Variants in NAV2 observed in about 807,000 individuals in gnomAD.
NAV2 encodes helicase, APC down-regulated 1.
NAV2 carries 54 observed loss-of-function variants against 223.2 expected under a neutral mutation model. That is an observed-to-expected ratio of 0.24 (90% CI 0.19 to 0.30). The LOEUF is 0.30. NAV2 is among the 10% of genes least tolerant of loss of function. The pLI, the probability that NAV2 is intolerant of heterozygous loss-of-function variation, is 1.00. For missense variants in NAV2, 2,806 were observed against 3,147.5 expected (o/e 0.89, Z 2.60); for synonymous variants, 1,279 against 1,239.3 (o/e 1.03, Z -0.67).
rs1353315499 is a variant in NAV2, at chr11:19,825,733, A to G, written c.268-6751A>G. Reference sequence around the variant, plus strand: ...TTTGGTTTAACATGGTACAATTATTATCAGTTTTTGTTATTACAACTAATG... The same window carrying G: ...TTTGGTTTAACATGGTACAATTATTGTCAGTTTTTGTTATTACAACTAATG... On this transcript the variant is annotated intron_variant, in intron 1 of 37. Coordinates refer to ENST00000349880, the MANE Select transcript of NAV2 (RefSeq NM_145117.5). 7.2e-5 allele frequency among the ~76,000 whole-genome samples: 11 copies of G among 152,206 alleles called. No individual in the cohort carries two copies. In the East Asian group the frequency reaches 1.2e-3, roughly 16 times the overall value.
At chr11:20,084,411 T>A (rs1344404379) in intron 26 of NAV2, among the ~76,000 whole-genome samples, 1 of 152,180 alleles carries the variant, frequency 6.6e-6, no homozygotes, top group East Asian at 1.9e-4. Context: ...GTTATGACTT[T>A]TAAGCAACCT....
At chr11:19,951,057 C>T (rs11025336) in intron 10 of NAV2, among the ~76,000 whole-genome samples, 18,513 of 152,124 alleles carry the variant, frequency 0.12, 1,611 homozygotes, top group East Asian at 0.4. Flanking sequence ...TTCCTTATGC[C>T]CAGGCTTCAC....
intron 1 of NAV2, among the ~76,000 whole-genome samples, chr11:19,667,192 A>T (rs866485099): frequency 9.2e-5 from 14 of 152,128 alleles, no homozygotes; most frequent in African/African-American, 3.4e-4. Flanking sequence ...GCTTGTTCTT[A>T]TTTGCTGACT....
intron 11 of NAV2, among the ~76,000 whole-genome samples, chr11:20,018,777 C>A (rs1164470873): frequency 6.6e-6 from 1 of 152,120 alleles, no homozygotes; most frequent in Non-Finnish European, 1.5e-5. Flanking sequence ...CTGGTTGATG[C>A]CATGAAGAAA....
At chr11:19,602,346 T>A (rs1283510632) in intron 1 of NAV2, among the ~76,000 whole-genome samples, 1 of 151,714 alleles carries the variant, frequency 6.6e-6, no homozygotes, top group Admixed American at 6.6e-5. Context: ...CCCGGCTAAT[T>A]TTTGTATTTT....
chr11:19,818,394 C>T (rs1352535233), intron 1 of NAV2, among the ~76,000 whole-genome samples: 1 of 151,882 alleles, frequency 6.6e-6, no homozygotes, highest in Admixed American at 6.6e-5. Flanking sequence ...TTTACCCACT[C>T]TGAGCTGGGA....
At chr11:19,349,638 T>C (rs1436267384), upstream of NAV2, among the ~76,000 whole-genome samples, 1 of 152,192 alleles carries the variant, frequency 6.6e-6, no homozygotes, top group African/African-American at 2.4e-5. Context: ...CCAGCCCCCA[T>C]TCCTTTCCTT....
intron 1 of NAV2, among the ~76,000 whole-genome samples, chr11:19,632,600 G>A (rs896812844): frequency 6.6e-6 from 1 of 152,222 alleles, no homozygotes; most frequent in African/African-American, 2.4e-5. Context: ...TCAGTTCAAA[G>A]AGGCTGATTC....
At chr11:19,816,559 A>T (rs1177934226) in intron 1 of NAV2, among the ~76,000 whole-genome samples, 2 of 152,186 alleles carry the variant, frequency 1.3e-5, no homozygotes, top group African/African-American at 4.8e-5. Flanking sequence ...GGTGCAGTAG[A>T]TGCTATTATG....
At chr11:19,528,640 A>C (rs1050868652) in intron 1 of NAV2, among the ~76,000 whole-genome samples, 2 of 150,590 alleles carry the variant, frequency 1.3e-5, no homozygotes, top group African/African-American at 5.0e-5. Context: ...CCATTTTTTA[A>C]GAATGGGAAG....
At chr11:20,110,820 G>T (rs542709284) in intron 36 of NAV2, among the ~76,000 whole-genome samples, 1 of 152,280 alleles carries the variant, frequency 6.6e-6, no homozygotes, top group Admixed American at 6.5e-5. Context: ...ACCTAACCCG[G>T]GTAAGTGGCC....
At chr11:19,862,485 C>T (rs992872232) in intron 3 of NAV2, among the ~76,000 whole-genome samples, 1 of 152,192 alleles carries the variant, frequency 6.6e-6, no homozygotes, top group African/African-American at 2.4e-5. Flanking sequence ...GTCACGGAGC[C>T]CCTCTTATGA....
chr11:19,744,859 G>A (rs1167729509), intron 1 of NAV2, among the ~76,000 whole-genome samples: 1 of 152,094 alleles, frequency 6.6e-6, no homozygotes, highest in Non-Finnish European at 1.5e-5. Context: ...CTGCACTGTA[G>A]ACTATTATAT....
chr11:20,092,251 G>A lies in NAV2; in HGVS notation c.5698G>A (p.Glu1900Lys). The change falls in exon 28 of 38, where the codon GAG becomes AAG. Residue 1900 changes from glutamate (E) to lysine (K), a missense_variant. This residue lies in a region of NAV2 where 824 missense variants were observed against 1,069.4 expected (regional missense o/e 0.77). Coordinates refer to ENST00000349880, the MANE Select transcript of NAV2 (RefSeq NM_145117.5). ...AGCTGAGAATGATCGGCTGAAGTCAGAGTCTCAAGGCAGTGGCTGCAGCCG... is the reference window on the plus strand; with the variant it reads ...AGCTGAGAATGATCGGCTGAAGTCAAAGTCTCAAGGCAGTGGCTGCAGCCG... ...LKAENDRLKSESQGSGCSRAP... is the reference protein window; with the variant it reads ...LKAENDRLKSKSQGSGCSRAP... 1 of 1,614,226 alleles carries A rather than the reference G, an allele frequency of 6.2e-7. No homozygotes were observed.
chr11:20,000,817 C>G (rs1037732585), intron 11 of NAV2, among the ~76,000 whole-genome samples: 2 of 152,138 alleles, frequency 1.3e-5, no homozygotes, highest in Non-Finnish European at 2.9e-5. Context: ...TCCTCTCCCT[C>G]CCTCATCCAC....
intron 3 of NAV2, among the ~76,000 whole-genome samples, chr11:19,862,811 C>A (rs2153025834): frequency 6.6e-6 from 1 of 152,252 alleles, no homozygotes; most frequent in African/African-American, 2.4e-5. Context: ...AAGGCTGTGA[C>A]CTCTAGGAGT....
intron 1 of NAV2, among the ~76,000 whole-genome samples, chr11:19,574,706 T>A (rs997147730): frequency 6.6e-6 from 1 of 152,154 alleles, no homozygotes; most frequent in African/African-American, 2.4e-5. Context: ...CCGTGGAGCA[T>A]AGGTCCAGTT....
chr11:19,782,673 G>GATCTCT (rs1225968248), intron 1 of NAV2, among the ~76,000 whole-genome samples: 280 of 152,254 alleles, frequency 1.8e-3, no homozygotes, highest in South Asian at 6.9e-3. Context: ...GATCTGGGCT[G>GATCTCT]GGTGACCCAG....
At chr11:19,751,952 T>C (rs552596588) in intron 1 of NAV2, among the ~76,000 whole-genome samples, 2 of 152,292 alleles carry the variant, frequency 1.3e-5, no homozygotes, top group East Asian at 3.9e-4. Flanking sequence ...GCTTTCTCCT[T>C]GGTTCTGTGA....
Sources: allele counts gnomAD v4.1 joint callset (sites outside exome capture counted in the v4.1 genomes callset), GRCh38; gene constraint gnomAD v4.1.1; regional missense constraint gnomAD v4.1.1; transcripts MANE v1.5; gene names NCBI Gene and HGNC (gene_info 2026-07-23, HGNC 2026-07-21).